The following MAMDC2 variants were observed in gnomAD, a reference collection of about 807,000 sequenced individuals.
MAMDC2 encodes the protein MAM domain-containing protein 2.
A neutral mutation model predicts 89.8 loss-of-function variants in MAMDC2; 57 were observed. The observed-to-expected ratio is 0.63, with a 90% confidence interval of 0.51 to 0.79. The LOEUF is 0.79. Ranked by LOEUF, MAMDC2 falls within the 30% of genes least tolerant of loss-of-function variation. The pLI is 0.00. For missense variants in MAMDC2, 800 were observed against 820.6 expected, an observed-to-expected ratio of 0.97 and a Z score of 0.31; for synonymous variants, 313 against 293.4, an observed-to-expected ratio of 1.07 and a Z score of -0.68.
rs78087642 is a variant in MAMDC2, at chr9:70,149,831, G to A, written c.1404+6012G>A. On this transcript the variant is annotated intron_variant, in intron 9 of 13. Coordinates refer to ENST00000377182, the MANE Select transcript of MAMDC2 (RefSeq NM_153267.5). ...AAAGAAGAGAGCAATAAGAAAGACCGTGTATTTCAGGCTCATATGCAGCTG... is the reference window on the plus strand; with the variant it reads ...AAAGAAGAGAGCAATAAGAAAGACCATGTATTTCAGGCTCATATGCAGCTG... Among the ~76,000 whole-genome samples, 256 of 152,290 alleles carry A rather than the reference G, an allele frequency of 1.7e-3. 5 individuals carry two copies. In the East Asian group the frequency reaches 0.041, roughly 24 times the overall value.
At chr9:70,222,964 C>A (rs2033591838) in intron 12 of MAMDC2, among the ~76,000 whole-genome samples, 1 of 151,876 alleles carries the variant, frequency 6.6e-6, no homozygotes, top group Admixed American at 6.6e-5. Context: ...CATGGCAAAA[C>A]CCTGTCTCCT....
At position 70,114,697 on chromosome 9, in the gene MAMDC2, G is replaced by A. The variant is rs1356642754; in HGVS notation, c.643+1565G>A. Among the ~76,000 whole-genome samples, 3 of 152,256 alleles carry A rather than the reference G, an allele frequency of 2.0e-5. No homozygotes were observed. In the South Asian group the frequency reaches 6.2e-4, roughly 32 times the overall value. On this transcript the variant is annotated intron_variant, in intron 5 of 13. Coordinates refer to ENST00000377182, the MANE Select transcript of MAMDC2 (RefSeq NM_153267.5). ...CAGCATTAGATATGATGGGGTAAAT[G>A]ACAGTTAAAATGACAGATCCTCTAT...
intron 11 of MAMDC2, among the ~76,000 whole-genome samples, chr9:70,193,467 G>A (rs1210391213): frequency 6.6e-6 from 1 of 152,070 alleles, no homozygotes; most frequent in Non-Finnish European, 1.5e-5. Context: ...TGGATCCTGA[G>A]ATAGCAACAA....
At chr9:70,155,382 C>T (rs891737432) in intron 9 of MAMDC2, among the ~76,000 whole-genome samples, 4 of 152,160 alleles carry the variant, frequency 2.6e-5, no homozygotes, top group Non-Finnish European at 5.9e-5. Flanking sequence ...TGAATCTTCA[C>T]CTGCCTCTCT....
rs1268846027 is a variant in MAMDC2 at position 70,091,605 on chromosome 9, C to T, written c.149-16606C>T. On this transcript the variant is annotated intron_variant, in intron 2 of 13. Transcript: ENST00000377182. ...ATTTTTAATTGCTTAATTTGGCAAT[C>T]CGAATCGGATCCGGAATCTGGCTGC... Among the ~76,000 whole-genome samples the T allele has an allele frequency of 2.0e-5, 3 of 152,174 alleles. No individual in the cohort carries two copies. In the East Asian group the frequency reaches 5.8e-4, roughly 29 times the overall value.
intron 9 of MAMDC2, among the ~76,000 whole-genome samples, chr9:70,164,205 T>C (rs538759628): frequency 6.6e-6 from 1 of 152,236 alleles, no homozygotes; most frequent in African/African-American, 2.4e-5. Context: ...CATCCTACAA[T>C]GCACAGGGCA....
intron 9 of MAMDC2, among the ~76,000 whole-genome samples, chr9:70,150,983 A>C (rs1019052186): frequency 3.3e-5 from 5 of 152,196 alleles, no homozygotes; most frequent in East Asian, 1.9e-4. Flanking sequence ...GGTCCTGCAC[A>C]GTTGGATCAC....
At chr9:70,156,113 T>C (rs2031756399) in intron 9 of MAMDC2, among the ~76,000 whole-genome samples, 1 of 152,222 alleles carries the variant, frequency 6.6e-6, no homozygotes, top group South Asian at 2.1e-4. Context: ...AAACTGTGTT[T>C]TAACATTGTG....
chr9:70,210,318 T>C (rs4744991), intron 11 of MAMDC2, among the ~76,000 whole-genome samples: 144,933 of 152,186 alleles, frequency 0.95, 69,044 homozygotes, highest in Middle Eastern at 0.99. Flanking sequence ...TCTGGATGCT[T>C]CTGTATTGGG....
chr9:70,161,894 T>C (rs1199694902), intron 9 of MAMDC2, among the ~76,000 whole-genome samples: 1 of 152,206 alleles, frequency 6.6e-6, no homozygotes, highest in East Asian at 1.9e-4. Flanking sequence ...TTTCAAAAGA[T>C]TTTAACCTCA....
chr9:70,160,925 A>G (rs2031949015), intron 9 of MAMDC2, among the ~76,000 whole-genome samples: 1 of 152,192 alleles, frequency 6.6e-6, no homozygotes, highest in African/African-American at 2.4e-5. Flanking sequence ...GGGGAGTTGC[A>G]TCATGTCTCT....
At chr9:70,109,608 T>C in intron 3 of MAMDC2, 112 bp from the exon 4 acceptor site, 1 of 788,648 alleles carries the variant, frequency 1.3e-6, no homozygotes, top group Non-Finnish European at 2.2e-6. Context: ...AGACTAACAA[T>C]CCTGTTTTGC....
intron 11 of MAMDC2, chr9:70,193,958 A>C (rs1398500765): frequency 6.6e-6 from 1 of 152,122 alleles, no homozygotes; most frequent in African/African-American, 2.4e-5. Flanking sequence ...CTGGTCAGTC[A>C]ATATGGATCC....
At chr9:70,190,568 T>A (rs1189770907) in intron 11 of MAMDC2, among the ~76,000 whole-genome samples, 1 of 151,926 alleles carries the variant, frequency 6.6e-6, no homozygotes, top group Non-Finnish European at 1.5e-5. Flanking sequence ...GTTTTTTTTT[T>A]TTTTTCTGGG....
chr9:70,168,534 C>T, intron 9 of MAMDC2, 168 bp from the exon 10 acceptor site: 2 of 577,100 alleles, frequency 3.5e-6, no homozygotes, highest in Non-Finnish European at 6.2e-6. Flanking sequence ...GGGTTTTATG[C>T]AGATGGTAAC....
At chr9:70,062,635 A>C (rs1211436097) in intron 2 of MAMDC2, 1 of 152,188 alleles carries the variant, frequency 6.6e-6, no homozygotes, top group Non-Finnish European at 1.5e-5. Flanking sequence ...GTTAGAGACA[A>C]GAAAAGCCCT....
At chr9:70,142,106 A>G (rs1261121553) in intron 8 of MAMDC2, among the ~76,000 whole-genome samples, 1 of 152,174 alleles carries the variant, frequency 6.6e-6, no homozygotes, top group Non-Finnish European at 1.5e-5. Flanking sequence ...TTCACAGTAG[A>G]AAGAAATGAA....
chr9:70,222,049 G>A (rs1262268274), intron 12 of MAMDC2, among the ~76,000 whole-genome samples: 1 of 152,150 alleles, frequency 6.6e-6, no homozygotes. Context: ...AGTAGCCCTG[G>A]CAAGAGGAGT....
At chr9:70,182,766 G>A (rs909385567) in intron 11 of MAMDC2, among the ~76,000 whole-genome samples, 5 of 151,594 alleles carry the variant, frequency 3.3e-5, no homozygotes, top group African/African-American at 9.7e-5. Context: ...TAGTCTGAGC[G>A]GTCTATCTAT....
Sources: allele counts gnomAD v4.1 joint callset (sites outside exome capture counted in the v4.1 genomes callset), GRCh38; gene constraint gnomAD v4.1.1; transcripts MANE v1.5; gene names NCBI Gene and HGNC (gene_info 2026-07-23, HGNC 2026-07-21).